Variants in SRGAP3 observed in about 807,000 individuals in gnomAD.
The protein encoded by SRGAP3 is SLIT-ROBO Rho GTPase-activating protein 3.
A neutral mutation model predicts 121.1 loss-of-function variants in SRGAP3; 39 were observed. The observed-to-expected ratio is 0.32, with a 90% CI of 0.25 to 0.42. The LOEUF is 0.42. SRGAP3 is among the 10% of genes least tolerant of loss of function. The pLI, the probability that SRGAP3 is intolerant of heterozygous loss-of-function variation, is 1.00. For missense variants in SRGAP3, 1,213 were observed against 1,470.6 expected, an observed-to-expected ratio of 0.82 and a Z score of 2.86; for synonymous variants, 601 against 570.0, an observed-to-expected ratio of 1.05 and a Z score of -0.77.
chr3:9,225,088 C>T (rs1051921521), intron 1 of SRGAP3, among the ~76,000 whole-genome samples: 1 of 152,154 alleles, frequency 6.6e-6, no homozygotes, highest in Admixed American at 6.5e-5. Context: ...AATCCCCAAA[C>T]TTCATAAAAA....
chr3:9,206,385 C>T (rs940947668), intron 1 of SRGAP3, among the ~76,000 whole-genome samples: 3 of 152,114 alleles, frequency 2.0e-5, no homozygotes, highest in Admixed American at 2.0e-4. Context: ...AGTCTGATTC[C>T]CGAGCCCATG....
chr3:9,033,581 A>G (rs6777414), intron 11 of SRGAP3: 117,183 of 152,194 alleles, frequency 0.77, 45,580 homozygotes, highest in African/African-American at 0.87. Context: ...GTACCACGAC[A>G]CCCAGCTAAT....
intron 5 of SRGAP3, 44 bp from the exon 6 acceptor site, chr3:9,060,403 G>C (rs1305907191): frequency 4.4e-6 from 7 of 1,609,132 alleles, no homozygotes; most frequent in Admixed American, 3.3e-5. Context: ...CCATTTAAGA[G>C]GACGGGGTTT....
intron 1 of SRGAP3, among the ~76,000 whole-genome samples, chr3:9,347,643 A>G (rs761368525): frequency 3.9e-5 from 6 of 152,230 alleles, no homozygotes; most frequent in Admixed American, 2.0e-4. Flanking sequence ...CTTCCTATAT[A>G]AGTTACTATC....
At chr3:9,102,276 A>T (rs1948245852) in intron 3 of SRGAP3, among the ~76,000 whole-genome samples, 1 of 152,194 alleles carries the variant, frequency 6.6e-6, no homozygotes, top group South Asian at 2.1e-4. Context: ...TGGCATTGTT[A>T]CCAGCTCCAT....
rs1952998165 is a variant in SRGAP3 at position 9,226,681 on chromosome 3, C to G, written c.67+22204G>C. ...TCTCCCCAGTCTACAGACTGGTTTT[C>G]AGACATAAGGGCAAGACTTTACACT... On this transcript the variant is annotated intron_variant, in intron 1 of 21. Coordinates refer to ENST00000383836, the MANE Select transcript of SRGAP3 (RefSeq NM_014850.4). 1.3e-5 allele frequency among the ~76,000 whole-genome samples: 2 copies of G among 152,198 alleles called. 1 individual carries two copies. The highest frequency in any genetic ancestry group is 4.1e-4 in the South Asian group (2 of 4,834).
At chr3:9,257,701 T>C (rs1246559348) in intron 3 of SRGAP3, among the ~76,000 whole-genome samples, 5 of 99,238 alleles carry the variant, frequency 5.0e-5, no homozygotes, top group Non-Finnish European at 8.3e-5. Context: ...ATAGCTCCTT[T>C]TTTTTTTTTT....
intron 14 of SRGAP3, 89 bp from the exon 15 acceptor site, chr3:9,015,820 C>T: frequency 6.5e-7 from 1 of 1,543,150 alleles, no homozygotes; most frequent in East Asian, 2.2e-5. Flanking sequence ...CTGGTCCAGC[C>T]TGAACCACAG....
chr3:9,207,945 T>C (rs998950286), intron 1 of SRGAP3, among the ~76,000 whole-genome samples: 8 of 152,344 alleles, frequency 5.3e-5, no homozygotes, highest in Non-Finnish European at 8.8e-5. Context: ...GCCAGGCCTG[T>C]CTCACTGCGG....
At chr3:9,217,364 G>A (rs955014858) in intron 1 of SRGAP3, 16 of 152,136 alleles carry the variant, frequency 1.1e-4, no homozygotes, top group African/African-American at 3.4e-4. Context: ...TGCCACAGGG[G>A]CCTCATTGAG....
chr3:9,181,831 G>C (rs931891336), intron 1 of SRGAP3, among the ~76,000 whole-genome samples: 4 of 152,168 alleles, frequency 2.6e-5, no homozygotes, highest in Non-Finnish European at 4.4e-5. Context: ...CAAAGAGGTG[G>C]ACTGGAGTCC....
At chr3:9,235,935 CT>C (rs1414392313) in intron 1 of SRGAP3, 1 of 154,262 alleles carries the variant, frequency 6.5e-6, no homozygotes, top group East Asian at 1.8e-4. Context: ...AGACGGTAAA[CT>C]TTGTGTTTGT....
intron 1 of SRGAP3, among the ~76,000 whole-genome samples, chr3:9,184,714 T>C (rs936513998): frequency 7.2e-5 from 11 of 152,082 alleles, no homozygotes; most frequent in Admixed American, 5.9e-4. Context: ...GTCAAACAAA[T>C]GGTAAAGAAC....
At chr3:9,263,468 C>T (rs1954293253) in intron 3 of SRGAP3, among the ~76,000 whole-genome samples, 1 of 152,100 alleles carries the variant, frequency 6.6e-6, no homozygotes, top group African/African-American at 2.4e-5. Context: ...AATAGATAGA[C>T]TGCTAGCCAG....
chr3:9,165,169 C>T (rs6767728), intron 1 of SRGAP3, among the ~76,000 whole-genome samples: 11 of 152,224 alleles, frequency 7.2e-5, no homozygotes, highest in African/African-American at 2.7e-4. Flanking sequence ...GGGGGCCCCC[C>T]AGTGGAGGCC....
At chr3:9,042,768 T>A (rs1192599344) in intron 10 of SRGAP3, among the ~76,000 whole-genome samples, 2 of 152,218 alleles carry the variant, frequency 1.3e-5, no homozygotes, top group Non-Finnish European at 2.9e-5. Context: ...TGGCAGCCCA[T>A]GAAAGTGGTC....
At chr3:9,352,573 C>T (rs1413512895) in intron 1 of SRGAP3, among the ~76,000 whole-genome samples, 3 of 152,222 alleles carry the variant, frequency 2.0e-5, no homozygotes, top group African/African-American at 4.8e-5. Flanking sequence ...CATGCCTGGC[C>T]TCATGGTCTT....
chr3:9,091,256 CCT>C (rs781709579), intron 3 of SRGAP3, among the ~76,000 whole-genome samples: 5 of 152,020 alleles, frequency 3.3e-5, no homozygotes, highest in South Asian at 2.1e-4. Flanking sequence ...CAGCCAGCCC[CCT>C]GTCTCTCTTT....
At chr3:8,990,863 G>C (rs1054088876) in intron 20 of SRGAP3, 24 bp from the exon 21 acceptor site, 2 of 1,486,376 alleles carry the variant, frequency 1.3e-6, no homozygotes, top group Non-Finnish European at 1.8e-6. Flanking sequence ...AGGGGGCGAG[G>C]GGCATGGGGC....
Sources: allele counts gnomAD v4.1 joint callset (sites outside exome capture counted in the v4.1 genomes callset), GRCh38; gene constraint gnomAD v4.1.1; transcripts MANE v1.5; gene names NCBI Gene and HGNC (gene_info 2026-07-23, HGNC 2026-07-21).